The following EIF4A2 variants were observed in gnomAD, a reference collection of about 807,000 sequenced individuals.
EIF4A2 encodes eukaryotic initiation factor 4A-II.
A neutral mutation model predicts 50.6 loss-of-function variants in EIF4A2; 9 were observed. The observed-to-expected ratio is 0.18, with a 90% CI of 0.11 to 0.31. EIF4A2 has a LOEUF of 0.31. Among genes scored for constraint, EIF4A2 ranks in the 10% least tolerant of loss-of-function variants. The pLI, the probability that EIF4A2 is intolerant of heterozygous loss-of-function variation, is 1.00. For synonymous variants in EIF4A2, 215 were observed against 164.4 expected, an observed-to-expected ratio of 1.31 and a Z score of -2.35; for missense variants, 182 against 501.8, an observed-to-expected ratio of 0.36 and a Z score of 6.09.
chr3:186,785,726 C>A (rs531230394), intron 4 of EIF4A2, 157 bp from the exon 5 acceptor site: 216 of 904,100 alleles, frequency 2.4e-4, no homozygotes, highest in Middle Eastern at 1.8e-3. Context: ...TTTTACCTTG[C>A]AGCAGTTAGG....
chr3:186,785,227 A>G (rs950203016), intron 4 of EIF4A2, 126 bp downstream of exon 4: 6 of 1,394,010 alleles, frequency 4.3e-6, no homozygotes, highest in Non-Finnish European at 5.8e-6. Flanking sequence ...TTGTCCATGC[A>G]TGCAGGGAGT....
At chr3:186,788,581 C>A in intron 10 of EIF4A2, 1 of 422,992 alleles carries the variant, frequency 2.4e-6, no homozygotes, top group Non-Finnish European at 3.7e-6. Context: ...CAGTTAAACA[C>A]GTTTAGAGTA....
chr3:186,784,292 T>G, intron 1 of EIF4A2, 140 bp from the exon 2 acceptor site: 1 of 1,243,388 alleles, frequency 8.0e-7, no homozygotes, highest in Non-Finnish European at 1.1e-6. Flanking sequence ...GCGCACAGTG[T>G]GGATATTCGC....
Position 186,784,837 on chromosome 3 carries a change from T to G in EIF4A2, c.209-125T>G, listed in dbSNP as rs1560083856. The G allele has an allele frequency of 2.5e-6, 4 of 1,599,204 alleles. No individual in the cohort carries two copies. The African/African-American group carries it at 5.4e-5, about 21-fold the overall frequency. ...ATCATCTTTCGGGACTGACCTGAAA[T>G]GAAGAGAATACTCATTGCTGATCAC... is the stretch of plus-strand genomic sequence containing the variant. On this transcript the variant is annotated intron_variant, in intron 3 of 10. Coordinates refer to ENST00000323963, the MANE Select transcript of EIF4A2 (RefSeq NM_001967.4).
chr3:186,789,100 C>T (rs780545496), intron 10 of EIF4A2, 25 bp from the exon 11 acceptor site: 35 of 1,608,088 alleles, frequency 2.2e-5, no homozygotes, highest in African/African-American at 2.7e-5. Flanking sequence ...TGAGAAGTAA[C>T]GTTCTGATTC....
Position 186,787,959 on chromosome 3 carries a change from C to G in EIF4A2, c.1079+77C>G, listed in dbSNP as rs940186635. 22 of 1,440,638 alleles carry G rather than the reference C, an allele frequency of 1.5e-5. No individual in the cohort carries two copies. The East Asian group carries it at 2.1e-4, about 14-fold the overall frequency. 89.2% of individuals were successfully genotyped at this position (1,440,638 alleles called of 1,614,324 possible). A position where few individuals can be genotyped will look rare whatever the true frequency, so the allele number is the denominator to read the frequency against. ...CTGTGATTTGTATGAAAGGTAACAT[C>G]AAATCAAGGAATAGATTCAGTAAAG... On this transcript the variant is annotated intron_variant, in intron 10 of 10. Coordinates refer to ENST00000323963, the MANE Select transcript of EIF4A2 (RefSeq NM_001967.4).
At chr3:186,783,915 A>G (rs1281477664) in intron 1 of EIF4A2, 2 of 472,070 alleles carry the variant, frequency 4.2e-6, no homozygotes, top group Non-Finnish European at 7.6e-6. Flanking sequence ...CACGGGAAAC[A>G]TGGAGTAAAA....
At chr3:186,788,850 C>T (rs1416086774) in intron 10 of EIF4A2, 1 of 358,230 alleles carries the variant, frequency 2.8e-6, no homozygotes, top group Admixed American at 4.6e-5. Flanking sequence ...AATTTCACTA[C>T]CCCAAACACG....
At chr3:186,784,224 C>T in intron 1 of EIF4A2, 2 of 662,124 alleles carry the variant, frequency 3.0e-6, no homozygotes, top group Non-Finnish European at 5.0e-6. Context: ...GATCGCCATG[C>T]GCTCGGGCCT....
chr3:186,787,651 A>G, intron 9 of EIF4A2, 67 bp downstream of exon 9: 1 of 1,603,210 alleles, frequency 6.2e-7, no homozygotes, highest in Non-Finnish European at 8.5e-7. Flanking sequence ...GTTTTTAAGT[A>G]ACCTTTGCCA....
intron 9 of EIF4A2, 28 bp downstream of exon 9, chr3:186,787,612 C>T: frequency 6.2e-7 from 1 of 1,613,608 alleles, no homozygotes; most frequent in South Asian, 1.1e-5. Flanking sequence ...TTTTAAAAAT[C>T]TACCAAAAGT....
chr3:186,786,355 T>A, intron 6 of EIF4A2, 82 bp downstream of exon 6: 1 of 1,514,488 alleles, frequency 6.6e-7, no homozygotes, highest in Non-Finnish European at 9.0e-7. Flanking sequence ...ACTGATGTGT[T>A]TTGTTGTCGT....
intron 8 of EIF4A2, 90 bp downstream of exon 8, chr3:186,787,354 G>A: frequency 1.2e-6 from 2 of 1,612,110 alleles, no homozygotes; most frequent in Non-Finnish European, 1.7e-6. Context: ...CGTTCCCCCT[G>A]CTTAAAATAA....
At chr3:186,785,255 A>G (rs1045911486) in intron 4 of EIF4A2, 154 bp downstream of exon 4, 5 of 1,112,308 alleles carry the variant, frequency 4.5e-6, no homozygotes, top group African/African-American at 1.6e-5. Context: ...GAAAGTTTTA[A>G]AAGAACTGGG....
Position 186,786,502 on chromosome 3 carries a change from G to A in EIF4A2, c.628G>A (p.Val210Ile), listed in dbSNP as rs2108458538. The change falls in exon 7 of 11, where the codon GTT becomes ATT. Residue 210 changes from valine to isoleucine, a missense_variant and splice_region_variant. By Grantham distance (29) the Val-to-Ile change is conservative (BLOSUM62 3). Coordinates refer to ENST00000323963, the MANE Select transcript of EIF4A2 (RefSeq NM_001967.4). ...TACAACATAATTTTCTCTTTTTAAGGTTGTGTTGCTTTCTGCCACAATGCC... is the reference window on the plus strand; with the variant it reads ...TACAACATAATTTTCTCTTTTTAAGATTGTGTTGCTTTCTGCCACAATGCC... The part of the protein sequence containing the change: ...IFQKLNTSIQ[V>I]VLLSATMPTD... 1 of 1,611,468 alleles carries A rather than the reference G, an allele frequency of 6.2e-7. No individual in the cohort carries two copies. Among genetic ancestry groups the A allele is most frequent in the Non-Finnish European group, 8.5e-7 (1 of 1,179,574 alleles).
intron 4 of EIF4A2, 26 bp downstream of exon 4, chr3:186,785,127 CTGCT>C (rs1721613322): frequency 1.9e-6 from 3 of 1,611,706 alleles, no homozygotes; most frequent in South Asian, 1.1e-5. Flanking sequence ...TTCAAAAAAA[CTGCT>C]TGCGTGTTGC....
chr3:186,783,775 A>T, intron 1 of EIF4A2, 136 bp downstream of exon 1: 1 of 1,406,534 alleles, frequency 7.1e-7, no homozygotes, highest in South Asian at 1.2e-5. Context: ...GTGCCCTTCC[A>T]GAAGCTTCCA....
chr3:186,784,730 T>A (rs757440601), intron 3 of EIF4A2, 34 bp downstream of exon 3: 2 of 1,610,936 alleles, frequency 1.2e-6, no homozygotes, highest in Non-Finnish European at 1.7e-6. Flanking sequence ...GAAATTGTTC[T>A]ACATAGACAT....
chr3:186,788,941 TTGGCACTAACTGCA>T (rs1192583100), intron 10 of EIF4A2, 170 bp from the exon 11 acceptor site: 3 of 734,820 alleles, frequency 4.1e-6, no homozygotes, highest in Non-Finnish European at 6.1e-6. Flanking sequence ...TTGAATCCTT[TTGGCACTAACTGCA>T]AAGGAAGATT....
Sources: gnomAD v4.1 joint callset for allele counts on GRCh38, gnomAD v4.1.1 for gene constraint, MANE v1.5 for transcripts, NCBI Gene and HGNC (gene_info 2026-07-23, HGNC 2026-07-21) for gene names.